MGAT4C: variants seen among roughly 807,000 people sequenced by gnomAD.
MGAT4C encodes MGAT4 family member C, also known as alpha-1,3-mannosyl-glycoprotein 4-beta-N-acetylglucosaminyltransferase C.
In MGAT4C, 19 loss-of-function variants were observed where a neutral mutation model predicts 40.1. That is an observed-to-expected ratio of 0.47 (90% confidence interval 0.33 to 0.70). The LOEUF (loss-of-function observed/expected upper bound fraction) is 0.70, where lower values mean the gene tolerates loss of function less well. Among genes scored for constraint, MGAT4C ranks in the 30% least tolerant of loss-of-function variants. The probability of loss-of-function intolerance (pLI) is 0.02; values close to 1 mark genes in which losing one functional copy is unlikely to be tolerated. For missense variants in MGAT4C, 491 were observed against 563.2 expected (o/e 0.87, Z 1.30); for synonymous variants, 181 against 187.1 (o/e 0.97, Z 0.27).
At chr12:86,183,270 G>A (rs1417430841) in intron 1 of MGAT4C, among the ~76,000 whole-genome samples, 1 of 152,008 alleles carries the variant, frequency 6.6e-6, no homozygotes, top group East Asian at 1.9e-4. Context: ...CTCAGCATCT[G>A]TTTCCATCTT....
At chr12:86,570,849 T>A (rs1960332892) in intron 2 of MGAT4C, among the ~76,000 whole-genome samples, 1 of 152,196 alleles carries the variant, frequency 6.6e-6, no homozygotes, top group African/African-American at 2.4e-5. Flanking sequence ...AATCTCACTC[T>A]GTCATCCAGG....
At chr12:85,982,331 G>T (rs1884693713) in intron 4 of MGAT4C, among the ~76,000 whole-genome samples, 1 of 152,076 alleles carries the variant, frequency 6.6e-6, no homozygotes, top group Non-Finnish European at 1.5e-5. Context: ...TGGAATTACA[G>T]GTGTACACGA....
intron 2 of MGAT4C, among the ~76,000 whole-genome samples, chr12:86,701,406 T>C (rs1950362075): frequency 6.6e-6 from 1 of 151,992 alleles, no homozygotes; most frequent in African/African-American, 2.4e-5. Flanking sequence ...CTCTGATCAA[T>C]GATCTTTGAT....
At chr12:86,788,895 T>G (rs952799645) in intron 1 of MGAT4C, among the ~76,000 whole-genome samples, 2 of 152,154 alleles carry the variant, frequency 1.3e-5, no homozygotes, top group African/African-American at 4.8e-5. Flanking sequence ...TCTCATACTT[T>G]TGTAGCCAAT....
intron 2 of MGAT4C, among the ~76,000 whole-genome samples, chr12:86,609,447 A>C (rs2136472166): frequency 6.6e-6 from 1 of 152,222 alleles, no homozygotes; most frequent in African/African-American, 2.4e-5. Context: ...TTCTGTCCTA[A>C]GTATTTTTTA....
intron 2 of MGAT4C, among the ~76,000 whole-genome samples, chr12:86,454,037 T>A (rs972104812): frequency 1.3e-5 from 2 of 152,180 alleles, no homozygotes; most frequent in Middle Eastern, 3.4e-3. Flanking sequence ...ACTTATATGA[T>A]GATGTTTTCA....
At chr12:86,622,768 T>A (rs1444941831) in intron 2 of MGAT4C, among the ~76,000 whole-genome samples, 1 of 151,920 alleles carries the variant, frequency 6.6e-6, no homozygotes, top group African/African-American at 2.4e-5. Flanking sequence ...TTCTAGAAAT[T>A]CAAGAAAGCA....
At chr12:86,167,478 A>G (rs1886315346) in intron 1 of MGAT4C, among the ~76,000 whole-genome samples, 1 of 152,206 alleles carries the variant, frequency 6.6e-6, no homozygotes, top group African/African-American at 2.4e-5. Context: ...GTGCTGCTAT[A>G]ACAGAATACC....
chr12:86,773,862 A>G (rs1437073087), intron 1 of MGAT4C, among the ~76,000 whole-genome samples: 2 of 151,762 alleles, frequency 1.3e-5, no homozygotes, highest in African/African-American at 4.8e-5. Flanking sequence ...TATGTAAAAT[A>G]CTTAAGTATA....
chr12:86,653,643 T>C (rs146785981), intron 2 of MGAT4C, among the ~76,000 whole-genome samples: 14 of 152,042 alleles, frequency 9.2e-5, no homozygotes, highest in African/African-American at 3.4e-4. Flanking sequence ...TCCTCTCACT[T>C]ATTTTGTATG....
At chr12:86,363,116 A>G (rs1955518631) in intron 3 of MGAT4C, among the ~76,000 whole-genome samples, 1 of 152,094 alleles carries the variant, frequency 6.6e-6, no homozygotes, top group African/African-American at 2.4e-5. Context: ...ATCTTAATTA[A>G]TAAAACAAGT....
In MGAT4C at chr12:86,094,386, C is replaced by G. The variant is rs113785919; in HGVS notation, c.-56-44663G>C. ...GGAAGTTGTCATGCATAAATTATCC[C>G]CAATTGAAAGTAAACTTGACAAAAA... On this transcript the variant is annotated intron_variant, in intron 1 of 4. Coordinates refer to ENST00000611864, the MANE Select transcript of MGAT4C (RefSeq NM_001351288.2). Among the ~76,000 whole-genome samples the G allele has an allele frequency of 4.9e-3, 746 of 152,088 alleles. 8 individuals are homozygous for G. Among genetic ancestry groups the G allele is most frequent in the African/African-American group, 0.017 (715 of 41,500 alleles).
intron 2 of MGAT4C, among the ~76,000 whole-genome samples, chr12:86,607,143 T>C (rs1962070798): frequency 6.6e-6 from 1 of 152,016 alleles, no homozygotes; most frequent in South Asian, 2.1e-4. Context: ...TCCCTTTTCA[T>C]TAGAAACACA....
intron 1 of MGAT4C, among the ~76,000 whole-genome samples, chr12:86,095,424 C>T (rs897671968): frequency 6.6e-6 from 1 of 151,800 alleles, no homozygotes; most frequent in Admixed American, 6.6e-5. Context: ...TTTCTAATTG[C>T]TTTTTACAAT....
intron 2 of MGAT4C, among the ~76,000 whole-genome samples, chr12:86,482,327 T>G (rs1957952017): frequency 6.6e-6 from 1 of 152,094 alleles, no homozygotes; most frequent in African/African-American, 2.4e-5. Flanking sequence ...TTTAGTAAAG[T>G]TACTCTTGAG....
At chr12:86,760,569 T>C (rs1167477716) in intron 1 of MGAT4C, among the ~76,000 whole-genome samples, 1 of 151,930 alleles carries the variant, frequency 6.6e-6, no homozygotes, top group Admixed American at 6.6e-5. Flanking sequence ...GTATACACAA[T>C]ATGCAATGAA....
At chr12:86,665,221 A>T (rs1194969900) in intron 2 of MGAT4C, among the ~76,000 whole-genome samples, 1 of 152,194 alleles carries the variant, frequency 6.6e-6, no homozygotes, top group Non-Finnish European at 1.5e-5. Context: ...TACAGTATTC[A>T]GTGGAAGGCC....
At chr12:86,702,488 G>A (rs1950381323) in intron 2 of MGAT4C, among the ~76,000 whole-genome samples, 1 of 152,136 alleles carries the variant, frequency 6.6e-6, no homozygotes, top group Non-Finnish European at 1.5e-5. Context: ...GGCTAATGCA[G>A]CTAACGATTT....
rs183526728 is a variant in MGAT4C, at chr12:86,410,658, T to C, written c.-120+24499A>G. 1.0e-3 allele frequency among the ~76,000 whole-genome samples: 158 copies of C among 152,264 alleles called. 2 individuals are homozygous for C. The Middle Eastern group carries it at 0.034, about 33-fold the overall frequency. The stretch of plus-strand genomic sequence containing the variant: ...GACGTACATTCTCAGCTTACGAAGA[T>C]AACAGGACTAAGAGATTAAAGTAAA... On this transcript the variant is annotated intron_variant, in intron 3 of 7. Coordinates refer to the MGAT4C transcript ENST00000548651.
Sources: allele counts gnomAD v4.1 joint callset (sites outside exome capture counted in the v4.1 genomes callset), GRCh38; gene constraint gnomAD v4.1.1; transcripts MANE v1.5; gene names NCBI Gene and HGNC (gene_info 2026-07-23, HGNC 2026-07-21).